The following KIFAP3 variants were observed in gnomAD, a reference collection of about 807,000 sequenced individuals.
KIFAP3 encodes the protein kinesin-associated protein 3.
KIFAP3 carries 68 observed loss-of-function variants against 106.5 expected under a neutral mutation model. That is an observed-to-expected ratio of 0.64 (90% CI 0.53 to 0.78). KIFAP3 has a LOEUF of 0.78. Ranked by LOEUF, KIFAP3 falls within the 30% of genes least tolerant of loss-of-function variation. The pLI, the probability that KIFAP3 is intolerant of heterozygous loss-of-function variation, is 0.00. For synonymous variants in KIFAP3, 320 were observed against 311.5 expected, an observed-to-expected ratio of 1.03 and a Z score of -0.29; for missense variants, 780 against 941.8, an observed-to-expected ratio of 0.83 and a Z score of 2.25.
chr1:170,077,328 T>C (rs753601662), upstream of KIFAP3, among the ~76,000 whole-genome samples: 1 of 152,174 alleles, frequency 6.6e-6, no homozygotes, highest in Non-Finnish European at 1.5e-5. Flanking sequence ...ATAAAATTGT[T>C]CCAAAATCAT....
chr1:170,036,700 G>C (rs1367705283), intron 5 of KIFAP3, among the ~76,000 whole-genome samples: 1 of 152,004 alleles, frequency 6.6e-6, no homozygotes, highest in Non-Finnish European at 1.5e-5. Flanking sequence ...TTAAATACTA[G>C]CCTATACAGA....
chr1:169,923,430 G>A (rs1041239770), intron 19 of KIFAP3, among the ~76,000 whole-genome samples: 5 of 152,068 alleles, frequency 3.3e-5, no homozygotes, highest in African/African-American at 1.2e-4. Context: ...AAGCACTAAG[G>A]CTAACAAGTA....
chr1:170,079,404 G>C (rs1218207703), upstream of KIFAP3, among the ~76,000 whole-genome samples: 1 of 152,016 alleles, frequency 6.6e-6, no homozygotes. Context: ...ATAATCTCAG[G>C]TATTCCTTTA....
At chr1:170,077,434 A>C (rs1671943158), upstream of KIFAP3, among the ~76,000 whole-genome samples, 1 of 152,244 alleles carries the variant, frequency 6.6e-6, no homozygotes, top group Admixed American at 6.5e-5. Flanking sequence ...AAATATTCAC[A>C]CAATACAATA....
intron 8 of KIFAP3, among the ~76,000 whole-genome samples, chr1:170,031,366 C>T (rs1048512145): frequency 3.3e-5 from 5 of 151,532 alleles, no homozygotes; most frequent in African/African-American, 1.2e-4. Context: ...AGTATAAATC[C>T]GGACTTAAAT....
intron 1 of KIFAP3, among the ~76,000 whole-genome samples, chr1:170,059,969 C>A (rs954220193): frequency 1.1e-4 from 16 of 152,154 alleles, no homozygotes; most frequent in Non-Finnish European, 1.9e-4. Flanking sequence ...TTCAACAGCC[C>A]TTCATGCTAA....
chr1:169,968,168 C>T (rs1202048874), intron 17 of KIFAP3, among the ~76,000 whole-genome samples: 4 of 151,884 alleles, frequency 2.6e-5, no homozygotes, highest in Non-Finnish European at 4.4e-5. Flanking sequence ...ATTTTAAGCA[C>T]TCAGTATCCA....
chr1:169,959,015 T>A (rs1476446234), intron 18 of KIFAP3, among the ~76,000 whole-genome samples: 1 of 152,158 alleles, frequency 6.6e-6, no homozygotes, highest in Non-Finnish European at 1.5e-5. Flanking sequence ...AAATAGCACA[T>A]GCCATTTCAT....
At chr1:170,038,094 A>G (rs571075373) in intron 5 of KIFAP3, among the ~76,000 whole-genome samples, 196 bp downstream of exon 5, 3 of 152,340 alleles carry the variant, frequency 2.0e-5, no homozygotes, top group Admixed American at 2.0e-4. Flanking sequence ...GTATAGTACC[A>G]TTAATGCTTA....
chr1:170,053,966 T>C (rs183086203), intron 2 of KIFAP3, among the ~76,000 whole-genome samples: 27 of 152,008 alleles, frequency 1.8e-4, no homozygotes, highest in Non-Finnish European at 3.5e-4. Context: ...CCAAAAGCAA[T>C]GGAAACAAAA....
intron 10 of KIFAP3, among the ~76,000 whole-genome samples, chr1:170,015,886 C>A (rs1468884530): frequency 1.3e-5 from 2 of 152,120 alleles, no homozygotes; most frequent in African/African-American, 4.8e-5. Flanking sequence ...AACAAAATAA[C>A]TTATAAACTG....
chr1:169,983,514 T>C lies in KIFAP3; in HGVS notation c.1394-132A>G, dbSNP rs140616353. 5.5e-3 allele frequency: 3,588 copies of C among 651,206 alleles called. 13 individuals are homozygous for C. The highest frequency in any genetic ancestry group is 0.011 in the Middle Eastern group (44 of 4,078). The allele number at this position is 651,206 out of a possible 1,614,324, so 40.3% of individuals were successfully genotyped here. ...ACTCTTAAGGGTACAATTTGATTAATTTAGATGCAACCCATACCATATATC... is the reference window on the plus strand; with the variant it reads ...ACTCTTAAGGGTACAATTTGATTAACTTAGATGCAACCCATACCATATATC... On this transcript the variant is annotated intron_variant, in intron 12 of 19. Coordinates refer to ENST00000361580, the MANE Select transcript of KIFAP3 (RefSeq NM_014970.4).
At chr1:169,922,998 C>T (rs560832058) in intron 19 of KIFAP3, 91 of 550,648 alleles carry the variant, frequency 1.7e-4, no homozygotes, top group African/African-American at 1.5e-3. Flanking sequence ...TGTGTGCACG[C>T]GTGCTTGTGT....
intron 10 of KIFAP3, among the ~76,000 whole-genome samples, chr1:170,006,727 A>G (rs183534179): frequency 8.5e-5 from 13 of 152,286 alleles, no homozygotes; most frequent in African/African-American, 2.9e-4. Context: ...AGGTGAGGGT[A>G]GGGCAGAGAT....
intron 4 of KIFAP3, among the ~76,000 whole-genome samples, chr1:170,038,681 T>G (rs974146871): frequency 4.6e-5 from 7 of 152,354 alleles, no homozygotes; most frequent in African/African-American, 1.7e-4. Flanking sequence ...ATCTTAAATG[T>G]AATAGAAAAT....
intron 9 of KIFAP3, among the ~76,000 whole-genome samples, chr1:170,020,706 C>T (rs1032588976): frequency 1.6e-5 from 2 of 124,494 alleles, no homozygotes; most frequent in Non-Finnish European, 3.6e-5. Context: ...AAGGCAATTT[C>T]AATAAGGTGC....
At chr1:169,926,347 T>A (rs1045918624) in intron 19 of KIFAP3, among the ~76,000 whole-genome samples, 3 of 152,170 alleles carry the variant, frequency 2.0e-5, no homozygotes, top group African/African-American at 4.8e-5. Flanking sequence ...ATCTTTACCA[T>A]CTCAGTTGCT....
At chr1:169,989,037 T>C (rs1374463331) in intron 11 of KIFAP3, among the ~76,000 whole-genome samples, 2 of 152,036 alleles carry the variant, frequency 1.3e-5, no homozygotes, top group Non-Finnish European at 2.9e-5. Context: ...AGATTACACA[T>C]GTTCTGAAAA....
chr1:170,050,616 G>A (rs559832586), intron 2 of KIFAP3, among the ~76,000 whole-genome samples: 1 of 152,294 alleles, frequency 6.6e-6, no homozygotes, highest in South Asian at 2.1e-4. Context: ...AACTACAAAG[G>A]GAAGCCCGTC....
Sources: allele counts gnomAD v4.1 joint callset (sites outside exome capture counted in the v4.1 genomes callset), GRCh38; gene constraint gnomAD v4.1.1; transcripts MANE v1.5; gene names NCBI Gene and HGNC (gene_info 2026-07-23, HGNC 2026-07-21).